Variants in DHX35 observed in about 807,000 individuals in gnomAD.
DHX35 encodes the protein probable ATP-dependent RNA helicase DHX35.
In DHX35, 84 loss-of-function variants were observed where a neutral mutation model predicts 99.6. The observed-to-expected ratio is 0.84, with a 90% CI of 0.71 to 1.01. The LOEUF (loss-of-function observed/expected upper bound fraction) is 1.01, where lower values mean the gene tolerates loss of function less well. Among genes scored for constraint, DHX35 ranks in the 50% least tolerant of loss-of-function variants. DHX35 has a pLI of 0.00. For synonymous variants in DHX35, 331 were observed against 316.2 expected (o/e 1.05, Z -0.50); for missense variants, 852 against 888.5 (o/e 0.96, Z 0.52).
chr20:39,032,554 T>G (rs2087073602), intron 20 of DHX35, among the ~76,000 whole-genome samples: 6 of 152,038 alleles, frequency 3.9e-5, no homozygotes, highest in Non-Finnish European at 8.8e-5. Context: ...GGGTGGGGTG[T>G]GTGTGAAGAG....
chr20:39,021,737 T>C (rs1024281906), intron 15 of DHX35, 104 bp from the exon 16 acceptor site: 18 of 1,130,688 alleles, frequency 1.6e-5, no homozygotes, highest in South Asian at 6.5e-5. Context: ...AGAAAAAATA[T>C]GATCTTAGTC....
intron 6 of DHX35, among the ~76,000 whole-genome samples, chr20:38,991,925 C>G (rs112306605): frequency 2.6e-5 from 4 of 152,288 alleles, no homozygotes; most frequent in African/African-American, 9.6e-5. Flanking sequence ...CTCTGGTGTT[C>G]TCGAGGAGAG....
At chr20:38,989,097 C>CT (rs375064892) in intron 5 of DHX35, among the ~76,000 whole-genome samples, 180 bp downstream of exon 5, 23,706 of 125,264 alleles carry the variant, frequency 0.19, 2,910 homozygotes, top group East Asian at 0.35. Context: ...TTCCTTTTTT[C>CT]TTTTTTTTTT....
chr20:39,000,306 T>G (rs2086497576), intron 8 of DHX35, among the ~76,000 whole-genome samples: 1 of 152,204 alleles, frequency 6.6e-6, no homozygotes, highest in African/African-American at 2.4e-5. Context: ...CAGGGATTAT[T>G]TTATGATCAA....
chr20:38,973,954 C>A (rs1601366676), intron 3 of DHX35, among the ~76,000 whole-genome samples: 1 of 152,226 alleles, frequency 6.6e-6, no homozygotes. Flanking sequence ...CCTGTTGTTA[C>A]TGACATTTGA....
chr20:39,005,012 C>T (rs1182603001), intron 11 of DHX35, among the ~76,000 whole-genome samples: 1 of 151,816 alleles, frequency 6.6e-6, no homozygotes, highest in Non-Finnish European at 1.5e-5. Flanking sequence ...GACTTAACCT[C>T]GAATCTGAGT....
intron 3 of DHX35, among the ~76,000 whole-genome samples, chr20:38,980,682 T>C (rs1476288104): frequency 2.0e-5 from 3 of 152,188 alleles, no homozygotes; most frequent in African/African-American, 7.2e-5. Context: ...TTTAGACTAA[T>C]AGAAAAATTG....
rs2086249763 is a variant in DHX35, at chr20:38,986,386, A to G, written c.346-2427A>G. ...TTAAAAATAGAGTTTGAAAATAAAA[A>G]TACATACTTTTTATAGCAAATGTAT... is the stretch of plus-strand genomic sequence containing the variant. On this transcript the variant is annotated intron_variant, in intron 4 of 21. Coordinates refer to ENST00000252011, the MANE Select transcript of DHX35 (RefSeq NM_021931.4). Among the ~76,000 whole-genome samples, 15 of 152,292 alleles carry G rather than the reference A, an allele frequency of 9.8e-5. No individual in the cohort carries two copies. In the South Asian group the frequency reaches 3.1e-3, roughly 32 times the overall value.
rs1175868321 is a variant in DHX35 at position 39,034,204 on chromosome 20, A to C, written c.1956-2A>C. On this transcript the variant is annotated splice_acceptor_variant, in intron 20 of 21. Transcript: ENST00000252011. LOFTEE classifies it high-confidence loss of function. ...TTAGCTCATGTTTCTTTCTCATTTCAGGGTCATCTATAACGAAGTTATACA... is the reference window on the plus strand; with the variant it reads ...TTAGCTCATGTTTCTTTCTCATTTCCGGGTCATCTATAACGAAGTTATACA... The C allele has an allele frequency of 1.2e-6, 2 of 1,608,408 alleles. No individual in the cohort carries two copies. The highest frequency in any genetic ancestry group is 3.3e-5 in the Admixed American group (2 of 60,022).
intron 7 of DHX35, among the ~76,000 whole-genome samples, chr20:38,992,842 C>T (rs1316239098): frequency 6.6e-6 from 1 of 152,140 alleles, no homozygotes; most frequent in African/African-American, 2.4e-5. Context: ...ATTTATATGG[C>T]TTGCAGATTT....
intron 8 of DHX35, among the ~76,000 whole-genome samples, chr20:38,997,424 TTGG>T (rs1177148536): frequency 6.6e-6 from 1 of 152,192 alleles, no homozygotes; most frequent in Non-Finnish European, 1.5e-5. Context: ...TTTTATTGTC[TTGG>T]TGGAACACAG....
intron 3 of DHX35, among the ~76,000 whole-genome samples, chr20:38,976,153 T>C (rs1217983257): frequency 6.6e-6 from 1 of 152,194 alleles, no homozygotes; most frequent in Non-Finnish European, 1.5e-5. Flanking sequence ...ATTTTAAGAT[T>C]TGAATATTTT....
At chr20:39,002,734 A>G (rs773209094) in intron 9 of DHX35, 38 bp from the exon 10 acceptor site, 6 of 1,563,154 alleles carry the variant, frequency 3.8e-6, no homozygotes, top group Admixed American at 1.7e-5. Context: ...ATTAATGAGC[A>G]TATTCTAGTG....
In DHX35 at chr20:39,006,333, G is replaced by A. The variant is rs773170800; in HGVS notation, c.1199G>A (p.Gly400Glu). Residue 400 changes from glycine (G) to glutamate (E), a missense_variant, in exon 12 of 22, where the codon GGA (glycine) becomes GAA (glutamate). By Grantham distance (98) the Gly-to-Glu change is moderately conservative. Coordinates refer to ENST00000252011, the MANE Select transcript of DHX35 (RefSeq NM_021931.4). ...RAGRGGRSRS[G>E]KCYRLYTEEA... The stretch of plus-strand genomic sequence containing the variant: ...GGACGTGGTGGTCGTAGTCGCTCGG[G>A]AAAATGTTATCGCCTTTATACAGGT... 6.2e-7 allele frequency: 1 copy of A among 1,614,144 alleles called. No homozygotes were observed. The highest frequency in any genetic ancestry group is 8.5e-7 in the Non-Finnish European group (1 of 1,180,030).
chr20:39,020,656 C>CTTTGTTTTTT (rs2086859366), intron 15 of DHX35, among the ~76,000 whole-genome samples: 1 of 105,218 alleles, frequency 9.5e-6, no homozygotes, highest in Non-Finnish European at 1.9e-5. Flanking sequence ...AAACAGGATT[C>CTTTGTTTTTT]TTTTTTTTTT....
At chr20:39,036,181 G>A (rs1444978116) in intron 21 of DHX35, among the ~76,000 whole-genome samples, 1 of 152,134 alleles carries the variant, frequency 6.6e-6, no homozygotes, top group African/African-American at 2.4e-5. Context: ...AAATTGTCTT[G>A]GATTCATTTA....
chr20:39,036,371 A>C, intron 21 of DHX35, among the ~76,000 whole-genome samples: 1 of 152,146 alleles, frequency 6.6e-6, no homozygotes, highest in East Asian at 1.9e-4. Flanking sequence ...TTTTATTTTT[A>C]AGCTCATCAC....
chr20:38,962,535 C>T lies in DHX35; in HGVS notation c.40+128C>T, dbSNP rs1034262089. 5 of 1,217,622 alleles carry T rather than the reference C, an allele frequency of 4.1e-6. No homozygotes were observed. The Admixed American group carries it at 1.1e-4, about 28-fold the overall frequency. The allele number at this position is 1,217,622 out of a possible 1,614,324, so 75.4% of individuals were successfully genotyped here. A position where few individuals can be genotyped will look rare whatever the true frequency, so the allele number is the denominator to read the frequency against. ...CTCGGCGAGCTGGGCGCTGCCGCCT[C>T]TGTGCGGGGGGAGCTCTGGCTCAGG... On this transcript the variant is annotated intron_variant, in intron 1 of 21. Transcript: ENST00000252011.
chr20:39,023,554 T>C (rs369304705), intron 16 of DHX35, 136 bp from the exon 17 acceptor site: 63 of 691,426 alleles, frequency 9.1e-5, no homozygotes, highest in African/African-American at 8.6e-4. Flanking sequence ...GGTTTACCTA[T>C]GTTGCCCAGG....
Sources: gnomAD v4.1 joint callset for allele counts (sites outside exome capture counted in the v4.1 genomes callset) on GRCh38, gnomAD v4.1.1 for gene constraint, MANE v1.5 for transcripts, NCBI Gene and HGNC (gene_info 2026-07-23, HGNC 2026-07-21) for gene names.